Variants in NRXN3 observed in about 807,000 individuals in gnomAD.
NRXN3 encodes the protein neurexin III.
Under a neutral mutation model 137.6 loss-of-function variants are expected in NRXN3, and 32 were observed. That is an observed-to-expected ratio of 0.23 (90% CI 0.18 to 0.31). NRXN3 has a LOEUF of 0.31. Ranked by LOEUF, NRXN3 falls within the 10% of genes least tolerant of loss-of-function variation. The probability of loss-of-function intolerance (pLI) is 1.00; values close to 1 mark genes in which losing one functional copy is unlikely to be tolerated. For missense variants in NRXN3, 1,574 were observed against 2,062.5 expected (o/e 0.76, Z 4.59); for synonymous variants, 798 against 784.5 (o/e 1.02, Z -0.29).
chr14:78,993,378 T>C (rs2099522899), intron 15 of NRXN3, among the ~76,000 whole-genome samples: 1 of 152,208 alleles, frequency 6.6e-6, no homozygotes, highest in Non-Finnish European at 1.5e-5. Flanking sequence ...ATAGACATTA[T>C]GTTAAAAACC....
Position 79,421,714 on chromosome 14 carries a change from T to C in NRXN3, c.3263-45507T>C, listed in dbSNP as rs1176677529. Among the ~76,000 whole-genome samples the C allele has an allele frequency of 2.6e-5, 4 of 152,290 alleles. No individual in the cohort carries two copies. The East Asian group carries it at 5.8e-4, about 22-fold the overall frequency. On this transcript the variant is annotated intron_variant, in intron 15 of 20. Transcript: ENST00000335750. ...TTGTTTCTTGCTTAGAGTAATTTAATGTTATAAGGATCAGGCAGGTGCAAC... is the reference window on the plus strand; with the variant it reads ...TTGTTTCTTGCTTAGAGTAATTTAACGTTATAAGGATCAGGCAGGTGCAAC...
chr14:79,203,750 G>A (rs538660926), intron 15 of NRXN3, among the ~76,000 whole-genome samples: 5 of 152,192 alleles, frequency 3.3e-5, no homozygotes, highest in African/African-American at 9.6e-5. Context: ...AACAGGTACC[G>A]TGCACCTTCT....
chr14:79,082,894 C>T (rs6574487), intron 15 of NRXN3, among the ~76,000 whole-genome samples: 139,825 of 152,234 alleles, frequency 0.92, 65,120 homozygotes, highest in Non-Finnish European at 0.99. Flanking sequence ...TACACATTGA[C>T]ATCATCTCTC....
At chr14:78,406,868 A>G (rs2092519091) in intron 4 of NRXN3, among the ~76,000 whole-genome samples, 1 of 152,116 alleles carries the variant, frequency 6.6e-6, no homozygotes, top group Non-Finnish European at 1.5e-5. Context: ...GTCAGTGGAA[A>G]TGATCCCAAG....
chr14:79,795,796 T>C (rs2099159330), intron 19 of NRXN3, among the ~76,000 whole-genome samples: 1 of 152,188 alleles, frequency 6.6e-6, no homozygotes, highest in Non-Finnish European at 1.5e-5. Flanking sequence ...CTTCATTGCA[T>C]TTGATTGTTC....
intron 19 of NRXN3, among the ~76,000 whole-genome samples, chr14:79,715,628 T>C (rs1234202596): frequency 6.6e-6 from 1 of 152,152 alleles, no homozygotes; most frequent in Non-Finnish European, 1.5e-5. Flanking sequence ...AAAGCAAGTG[T>C]AGGATGCCTG....
chr14:79,363,255 C>T (rs1053680443), intron 15 of NRXN3, among the ~76,000 whole-genome samples: 1 of 152,210 alleles, frequency 6.6e-6, no homozygotes, highest in African/African-American at 2.4e-5. Context: ...CTGCCTCGGC[C>T]TCCCAAAGTG....
intron 16 of NRXN3, among the ~76,000 whole-genome samples, chr14:79,626,057 T>C (rs1339867620): frequency 6.6e-6 from 1 of 152,244 alleles, no homozygotes; most frequent in Middle Eastern, 3.2e-3. Flanking sequence ...AGTTTACATG[T>C]CTGCTTATAT....
At chr14:79,544,320 G>C (rs72690781) in intron 16 of NRXN3, among the ~76,000 whole-genome samples, 6 of 152,288 alleles carry the variant, frequency 3.9e-5, no homozygotes, top group Non-Finnish European at 8.8e-5. Flanking sequence ...TTCATTAACA[G>C]TATTATGTTT....
intron 15 of NRXN3, among the ~76,000 whole-genome samples, chr14:79,216,388 T>C (rs767257257): frequency 6.6e-6 from 1 of 152,116 alleles, no homozygotes; most frequent in Non-Finnish European, 1.5e-5. Flanking sequence ...CCACATTTCA[T>C]TGGTTACATG....
At chr14:79,053,685 C>T (rs1157630663) in intron 15 of NRXN3, among the ~76,000 whole-genome samples, 1 of 151,800 alleles carries the variant, frequency 6.6e-6, no homozygotes, top group East Asian at 1.9e-4. Flanking sequence ...AACAGTGTCC[C>T]TAGCGGAAGA....
chr14:79,790,944 C>T (rs374374443), intron 19 of NRXN3, among the ~76,000 whole-genome samples: 3 of 152,084 alleles, frequency 2.0e-5, no homozygotes, highest in East Asian at 1.9e-4. Context: ...CCACCTCACC[C>T]GGTCCAGCTC....
intron 10 of NRXN3, among the ~76,000 whole-genome samples, chr14:78,811,715 A>G (rs2098914006): frequency 6.6e-6 from 1 of 152,204 alleles, no homozygotes; most frequent in Non-Finnish European, 1.5e-5. Context: ...TATTATAGGC[A>G]TGACAAACTA....
rs1038325440 is a variant in NRXN3 at position 78,209,616 on chromosome 14, C to A, written c.-703-32775C>A. Among the ~76,000 whole-genome samples, 7 of 152,062 alleles carry A rather than the reference C, an allele frequency of 4.6e-5. No homozygotes were observed. The South Asian group carries it at 8.3e-4, about 18-fold the overall frequency. On this transcript the variant is annotated intron_variant, in intron 1 of 20. Transcript: ENST00000335750. ...AGAGCAGGGAAAACTGCCTTATAAGCCCATCAGATCTCATGAGAACTCACT... is the reference window on the plus strand; with the variant it reads ...AGAGCAGGGAAAACTGCCTTATAAGACCATCAGATCTCATGAGAACTCACT...
chr14:79,005,295 A>AAAAG (rs1445976431), intron 15 of NRXN3, among the ~76,000 whole-genome samples: 4 of 152,226 alleles, frequency 2.6e-5, no homozygotes, highest in African/African-American at 9.6e-5. Flanking sequence ...TACAGCTAGA[A>AAAAG]AAAGTCATGT....
intron 4 of NRXN3, among the ~76,000 whole-genome samples, chr14:78,572,998 T>C (rs1489292704): frequency 6.6e-6 from 1 of 152,156 alleles, no homozygotes; most frequent in East Asian, 1.9e-4. Flanking sequence ...AAAAATGGGA[T>C]TGGTTTCTGC....
At chr14:79,500,845 T>C (rs1038561595) in intron 16 of NRXN3, among the ~76,000 whole-genome samples, 14 of 152,228 alleles carry the variant, frequency 9.2e-5, no homozygotes, top group African/African-American at 3.1e-4. Context: ...GGGAAACTTC[T>C]CTTAATATGA....
rs188669668 is a variant in NRXN3, at chr14:78,701,905, A to G, written c.1222-7312A>G. On this transcript the variant is annotated intron_variant, in intron 6 of 20. Transcript: ENST00000335750. ...GCAGATCCTGACCACTGTTAACAAA[A>G]TATAAAGCATGAAAATGGTGGCATC... Among the ~76,000 whole-genome samples the G allele has an allele frequency of 1.8e-3, 275 of 152,324 alleles. 2 individuals carry two copies. The highest frequency in any genetic ancestry group is 6.4e-3 in the African/African-American group (266 of 41,568).
intron 15 of NRXN3, among the ~76,000 whole-genome samples, chr14:79,255,297 T>C (rs1177275445): frequency 2.0e-5 from 3 of 152,198 alleles, no homozygotes; most frequent in African/African-American, 7.2e-5. Context: ...GTAAACCTTC[T>C]CCATAATAGG....
Sources: gnomAD v4.1 joint callset for allele counts (sites outside exome capture counted in the v4.1 genomes callset) on GRCh38, gnomAD v4.1.1 for gene constraint, MANE v1.5 for transcripts, NCBI Gene and HGNC (gene_info 2026-07-23, HGNC 2026-07-21) for gene names.